CNTNAP2: variants seen among roughly 807,000 people sequenced by gnomAD.
CNTNAP2 encodes the protein contactin associated protein 2.
In CNTNAP2, 98 loss-of-function variants were observed where a neutral mutation model predicts 155.2. The observed-to-expected ratio is 0.63, with a 90% CI of 0.54 to 0.75. CNTNAP2 has a LOEUF of 0.75. CNTNAP2 is among the 30% of genes least tolerant of loss of function. The pLI, the probability that CNTNAP2 is intolerant of heterozygous loss-of-function variation, is 0.00. For missense variants in CNTNAP2, 1,727 were observed against 1,688.1 expected, an observed-to-expected ratio of 1.02 and a Z score of -0.40; for synonymous variants, 651 against 631.2, an observed-to-expected ratio of 1.03 and a Z score of -0.47.
intron 20 of CNTNAP2, among the ~76,000 whole-genome samples, chr7:148,255,903 C>T (rs1796446229): frequency 6.6e-6 from 1 of 152,178 alleles, no homozygotes; most frequent in South Asian, 2.1e-4. Flanking sequence ...GCTGATGCTA[C>T]CACTTCCAGT....
chr7:147,927,160 A>G (rs1800411161), intron 14 of CNTNAP2, among the ~76,000 whole-genome samples: 1 of 152,070 alleles, frequency 6.6e-6, no homozygotes, highest in Non-Finnish European at 1.5e-5. Flanking sequence ...AATGATAAAG[A>G]TAATTTTTTT....
chr7:147,810,934 A>C (rs765815038), intron 13 of CNTNAP2, among the ~76,000 whole-genome samples: 1 of 152,186 alleles, frequency 6.6e-6, no homozygotes, highest in Admixed American at 6.5e-5. Flanking sequence ...AGGCAGAATA[A>C]AAGAGTCAGA....
chr7:147,948,741 A>C (rs57130501), intron 14 of CNTNAP2, among the ~76,000 whole-genome samples: 15,039 of 151,346 alleles, frequency 0.099, 989 homozygotes, highest in African/African-American at 0.18. Context: ...GCACAGTCAA[A>C]AATCTGCATA....
At chr7:147,433,299 T>C (rs1399974139) in intron 10 of CNTNAP2, among the ~76,000 whole-genome samples, 3 of 152,214 alleles carry the variant, frequency 2.0e-5, no homozygotes, top group South Asian at 2.1e-4. Context: ...GATAAATGCA[T>C]TATTATTTTT....
chr7:146,551,278 T>A (rs1798117594), intron 1 of CNTNAP2, among the ~76,000 whole-genome samples: 1 of 152,064 alleles, frequency 6.6e-6, no homozygotes, highest in South Asian at 2.1e-4. Context: ...CCTAATGCTG[T>A]CCCTTCCCCC....
intron 15 of CNTNAP2, among the ~76,000 whole-genome samples, chr7:148,073,531 T>C (rs1161640038): frequency 1.3e-5 from 2 of 152,194 alleles, no homozygotes; most frequent in Admixed American, 6.5e-5. Flanking sequence ...CTTAGTAGAC[T>C]TCTGGATTAT....
intron 1 of CNTNAP2, among the ~76,000 whole-genome samples, chr7:146,285,702 TCCC>T (rs1800315288): frequency 5.7e-5 from 1 of 17,456 alleles, no homozygotes; most frequent in Non-Finnish European, 1.0e-4. Context: ...TCCCCTCCCC[TCCC>T]CTCCCCTCCC....
chr7:146,369,887 TA>T (rs1795208944), intron 1 of CNTNAP2, among the ~76,000 whole-genome samples: 1 of 152,178 alleles, frequency 6.6e-6, no homozygotes, highest in Non-Finnish European at 1.5e-5. Context: ...TTACTCTTTT[TA>T]TCAGCAGTGT....
rs558213550 is a variant in CNTNAP2 at position 148,208,849 on chromosome 7, C to A, written c.3011-8439C>A. 2.0e-5 allele frequency among the ~76,000 whole-genome samples: 3 copies of A among 152,166 alleles called. 1 individual carries two copies. The South Asian group carries it at 6.2e-4, about 32-fold the overall frequency. ...CCCTTTTTCCTTGGCCTCATTCAGA[C>A]CTCGTGTTCAAGGGGTCCCCGGGGT... is the stretch of plus-strand genomic sequence containing the variant. On this transcript the variant is annotated intron_variant, in intron 18 of 23. Coordinates refer to ENST00000361727, the MANE Select transcript of CNTNAP2 (RefSeq NM_014141.6).
chr7:146,435,371 C>T (rs1371838226), intron 1 of CNTNAP2, among the ~76,000 whole-genome samples: 6 of 152,198 alleles, frequency 3.9e-5, no homozygotes, highest in Non-Finnish European at 7.3e-5. Flanking sequence ...TTAGACCCTG[C>T]TAAAAAACTG....
chr7:146,538,972 A>G (rs368070308), intron 1 of CNTNAP2, among the ~76,000 whole-genome samples: 8 of 152,210 alleles, frequency 5.3e-5, no homozygotes, highest in African/African-American at 1.9e-4. Context: ...ATTCAGAACA[A>G]TTAACAGGGG....
At position 146,992,764 on chromosome 7, in the gene CNTNAP2, G is replaced by A. The variant is rs564161007; in HGVS notation, c.403-51143G>A. On this transcript the variant is annotated intron_variant, in intron 3 of 23. Transcript: ENST00000361727. ...ACTGTCAATAATTAGAAACAAAACT[G>A]TACAAAAATACTTATTATATAAATT... Among the ~76,000 whole-genome samples the A allele has an allele frequency of 1.3e-3, 204 of 152,104 alleles. 2 individuals carry two copies. The highest frequency in any genetic ancestry group is 4.7e-3 in the African/African-American group (197 of 41,510).
chr7:147,102,381 A>G (rs1331409407), intron 4 of CNTNAP2, among the ~76,000 whole-genome samples: 5 of 151,996 alleles, frequency 3.3e-5, no homozygotes, highest in Admixed American at 6.6e-5. Flanking sequence ...AGAAAGAATT[A>G]TATGTTGAGC....
chr7:147,865,734 G>T (rs575909242), intron 13 of CNTNAP2, among the ~76,000 whole-genome samples: 5 of 152,042 alleles, frequency 3.3e-5, no homozygotes, highest in African/African-American at 1.2e-4. Flanking sequence ...TATAGTATTC[G>T]CTAATGATAG....
chr7:147,091,565 C>T (rs569805744), intron 4 of CNTNAP2, among the ~76,000 whole-genome samples: 1 of 152,068 alleles, frequency 6.6e-6, no homozygotes, highest in South Asian at 2.1e-4. Flanking sequence ...GATTCTCTTG[C>T]CTCAGCTTCC....
intron 15 of CNTNAP2, among the ~76,000 whole-genome samples, chr7:148,081,838 G>A (rs76033774): frequency 0.11 from 16,759 of 152,046 alleles, 1,007 homozygotes; most frequent in South Asian, 0.21. Context: ...AGACTTCATG[G>A]CATGAATGTA....
intron 3 of CNTNAP2, among the ~76,000 whole-genome samples, chr7:146,977,261 C>T (rs1252069104): frequency 6.6e-6 from 1 of 151,916 alleles, no homozygotes; most frequent in Non-Finnish European, 1.5e-5. Flanking sequence ...GTGTTCACAA[C>T]ATAGAGACAC....
intron 22 of CNTNAP2, among the ~76,000 whole-genome samples, chr7:148,402,410 C>G (rs188306151): frequency 2.6e-5 from 4 of 152,124 alleles, no homozygotes; most frequent in African/African-American, 9.7e-5. Context: ...GCTCTGCCTA[C>G]GGAAAAACCT....
intron 4 of CNTNAP2, among the ~76,000 whole-genome samples, chr7:147,102,769 T>C (rs547602235): frequency 2.0e-5 from 3 of 152,250 alleles, no homozygotes; most frequent in South Asian, 4.1e-4. Context: ...GTTTATATCA[T>C]AGATACATTG....
Sources: allele counts gnomAD v4.1 joint callset (sites outside exome capture counted in the v4.1 genomes callset), GRCh38; gene constraint gnomAD v4.1.1; transcripts MANE v1.5; gene names NCBI Gene and HGNC (gene_info 2026-07-23, HGNC 2026-07-21).